The following NXPE2 variants were observed in gnomAD, a reference collection of about 807,000 sequenced individuals.
The protein encoded by NXPE2 is NXPE family member 2.
Under a neutral mutation model 34.4 loss-of-function variants are expected in NXPE2, and 34 were observed. That is an observed-to-expected ratio of 0.99 (90% confidence interval 0.75 to 1.31). The LOEUF (loss-of-function observed/expected upper bound fraction) is 1.31, where lower values mean the gene tolerates loss of function less well. Ranked by LOEUF, NXPE2 falls within the 40% of genes most tolerant of loss-of-function variation. The probability of loss-of-function intolerance (pLI) is 0.00; values close to 1 mark genes in which losing one functional copy is unlikely to be tolerated. For missense variants in NXPE2, 649 were observed against 672.5 expected (o/e 0.97, Z 0.39); for synonymous variants, 235 against 231.3 (o/e 1.02, Z -0.15).
the NXPE2 span, among the ~76,000 whole-genome samples, chr11:114,792,557 A>T: frequency 6.6e-6 from 1 of 152,200 alleles, no homozygotes; most frequent in Non-Finnish European, 1.5e-5. Flanking sequence ...TGGGGCCAAA[A>T]TGATCACTGT....
the NXPE2 span, chr11:114,522,339 G>A: frequency 5.6e-6 from 9 of 1,614,034 alleles, no homozygotes; most frequent in African/African-American, 2.7e-5. Flanking sequence ...CCTGATAGCC[G>A]GTCAATTTCC....
chr11:114,693,456 G>A (rs762476052), intron 2 of NXPE2, among the ~76,000 whole-genome samples: 4 of 152,238 alleles, frequency 2.6e-5, no homozygotes, highest in South Asian at 4.1e-4. Flanking sequence ...GGACCGGACC[G>A]CTGCCCATGT....
the NXPE2 span, among the ~76,000 whole-genome samples, chr11:114,789,906 G>A: frequency 6.6e-6 from 1 of 152,178 alleles, no homozygotes; most frequent in Non-Finnish European, 1.5e-5. Flanking sequence ...GTATTCCTCT[G>A]CCCGGAGCCA....
chr11:114,521,928 CAG>C, the NXPE2 span: 1 of 1,403,964 alleles, frequency 7.1e-7, no homozygotes, highest in Non-Finnish European at 9.9e-7. Flanking sequence ...GGATTATGTG[CAG>C]AGATTGGTTC....
the NXPE2 span, among the ~76,000 whole-genome samples, chr11:114,672,445 A>C: frequency 4.2e-4 from 64 of 152,094 alleles, 1 homozygote; most frequent in Non-Finnish European, 7.4e-4. Context: ...GGGCGTATTA[A>C]AAACAAAGGT....
the NXPE2 span, chr11:114,523,185 CT>C: frequency 1.1e-6 from 1 of 875,754 alleles, no homozygotes; most frequent in Non-Finnish European, 1.8e-6. Flanking sequence ...CTCTTTCCCC[CT>C]TCCTGTAATG....
chr11:114,570,183 G>C, the NXPE2 span, among the ~76,000 whole-genome samples: 26 of 152,266 alleles, frequency 1.7e-4, no homozygotes, highest in African/African-American at 5.8e-4. Context: ...CTGAGCCAGT[G>C]ATCACCTTAA....
chr11:114,810,888 CAT>C, the NXPE2 span, among the ~76,000 whole-genome samples: 1 of 152,080 alleles, frequency 6.6e-6, no homozygotes, highest in Non-Finnish European at 1.5e-5. Context: ...CACATGCACA[CAT>C]ATGTTTATAG....
chr11:114,532,717 G>A, the NXPE2 span, among the ~76,000 whole-genome samples: 5 of 152,072 alleles, frequency 3.3e-5, no homozygotes, highest in Admixed American at 1.3e-4. Context: ...CTCTCTGTGT[G>A]TATGTGCATA....
chr11:114,617,028 G>A, the NXPE2 span, among the ~76,000 whole-genome samples: 2 of 151,846 alleles, frequency 1.3e-5, no homozygotes, highest in African/African-American at 2.4e-5. Context: ...GTATTTCCTC[G>A]TGGGTAACCT....
the NXPE2 span, among the ~76,000 whole-genome samples, chr11:114,509,731 G>GGACACATA: frequency 6.6e-6 from 1 of 152,144 alleles, no homozygotes; most frequent in Non-Finnish European, 1.5e-5. Flanking sequence ...GAAGACACAT[G>GGACACATA]GACACATAGA....
chr11:114,779,384 T>G, the NXPE2 span, among the ~76,000 whole-genome samples: 2 of 152,192 alleles, frequency 1.3e-5, no homozygotes, highest in Middle Eastern at 3.4e-3. Context: ...ATGCTATGAC[T>G]CAGGTGCACC....
At chr11:114,518,776 A>G in the NXPE2 span, among the ~76,000 whole-genome samples, 3 of 152,230 alleles carry the variant, frequency 2.0e-5, no homozygotes, top group Non-Finnish European at 4.4e-5. Flanking sequence ...TACTTACCTC[A>G]GCCCAGGAAG....
chr11:114,513,868 C>CTTT, the NXPE2 span, among the ~76,000 whole-genome samples: 1 of 152,044 alleles, frequency 6.6e-6, no homozygotes, highest in Admixed American at 6.5e-5. Flanking sequence ...AATGCAAAGA[C>CTTT]TTTTTGTAAA....
chr11:114,551,813 TAGAA>T, the NXPE2 span, among the ~76,000 whole-genome samples: 1 of 151,730 alleles, frequency 6.6e-6, no homozygotes, highest in Non-Finnish European at 1.5e-5. Flanking sequence ...AAGAAGGAGA[TAGAA>T]AGAGACAATG....
chr11:114,651,259 GA>G, the NXPE2 span, among the ~76,000 whole-genome samples: 1 of 152,006 alleles, frequency 6.6e-6, no homozygotes, highest in Non-Finnish European at 1.5e-5. Context: ...GATGTGTCCG[GA>G]GTTTCTTCCT....
At chr11:114,693,837 C>G (rs1486342805) in intron 2 of NXPE2, among the ~76,000 whole-genome samples, 1 of 152,160 alleles carries the variant, frequency 6.6e-6, no homozygotes. Flanking sequence ...GCTATTATAA[C>G]TATATTGGTT....
intron 2 of NXPE2, among the ~76,000 whole-genome samples, chr11:114,688,753 A>G (rs1347458312): frequency 2.6e-5 from 4 of 151,828 alleles, no homozygotes; most frequent in Admixed American, 2.0e-4. Context: ...AACAATTATT[A>G]TTATGATTCA....
chr11:114,604,700 A>G, the NXPE2 span, among the ~76,000 whole-genome samples: 4 of 151,966 alleles, frequency 2.6e-5, no homozygotes, highest in Admixed American at 2.6e-4. Flanking sequence ...CTGGTGGAGA[A>G]TAAGTAATGC....
Sources: allele counts gnomAD v4.1 joint callset (sites outside exome capture counted in the v4.1 genomes callset), GRCh38; gene constraint gnomAD v4.1.1; transcripts MANE v1.5; gene names NCBI Gene and HGNC (gene_info 2026-07-23, HGNC 2026-07-21).